Variants in ITCH observed in about 807,000 individuals in gnomAD.
ITCH encodes E3 ubiquitin-protein ligase Itchy homolog.
Under a neutral mutation model 126.8 loss-of-function variants are expected in ITCH, and 28 were observed. The observed-to-expected ratio is 0.22, with a 90% confidence interval of 0.16 to 0.30. The LOEUF is 0.30. Ranked by LOEUF, ITCH falls within the 10% of genes least tolerant of loss-of-function variation. The pLI, the probability that ITCH is intolerant of heterozygous loss-of-function variation, is 1.00. For missense variants in ITCH, 631 were observed against 1,032.4 expected (o/e 0.61, Z 5.33); for synonymous variants, 342 against 340.0 (o/e 1.01, Z -0.06).
chr20:34,510,501 T>G lies in ITCH; in HGVS notation c.*2707T>G, dbSNP rs1978676424. Reference sequence around the variant, plus strand: ...ATGTTACATTGAAATAAAAACAAAGTAAAATGAGCAATTGCCTTATTGTTC... The same window carrying G: ...ATGTTACATTGAAATAAAAACAAAGGAAAATGAGCAATTGCCTTATTGTTC... On this transcript the variant is annotated 3_prime_UTR_variant, in exon 25 of 25. Coordinates refer to ENST00000374864, the MANE Select transcript of ITCH (RefSeq NM_031483.7). 8.5e-6 allele frequency: 1 copy of G among 118,118 alleles called. No homozygotes were observed. The highest frequency in any genetic ancestry group is 1.7e-5 in the Non-Finnish European group (1 of 59,856). 7.3% of individuals were successfully genotyped at this position (118,118 alleles called of 1,614,324 possible).
chr20:34,456,178 GTGTGTGTATA>G (rs1256987849), intron 12 of ITCH, among the ~76,000 whole-genome samples: 2 of 34,514 alleles, frequency 5.8e-5, no homozygotes, highest in Non-Finnish European at 9.1e-5. Flanking sequence ...GTGTGTGTGT[GTGTGTGTATA>G]TATATATATA....
chr20:34,467,522 CAAAAAAAAA>C (rs952002079), intron 14 of ITCH, among the ~76,000 whole-genome samples: 8 of 68,310 alleles, frequency 1.2e-4, no homozygotes, highest in East Asian at 8.1e-4. Flanking sequence ...GACCCTGTCT[CAAAAAAAAA>C]AAAAAAGAAA....
chr20:34,431,065 T>C (rs1477961703), intron 7 of ITCH, among the ~76,000 whole-genome samples: 1 of 151,968 alleles, frequency 6.6e-6, no homozygotes, highest in African/African-American at 2.4e-5. Flanking sequence ...GTATCGTTCA[T>C]AGAACCAAAA....
intron 12 of ITCH, among the ~76,000 whole-genome samples, chr20:34,451,640 A>G (rs1279041541): frequency 6.6e-6 from 1 of 152,184 alleles, no homozygotes; most frequent in Non-Finnish European, 1.5e-5. Flanking sequence ...GTCAGATTGC[A>G]TTCCCAGACA....
intron 24 of ITCH, among the ~76,000 whole-genome samples, chr20:34,506,443 G>A (rs1454405373): frequency 6.6e-6 from 1 of 152,176 alleles, no homozygotes; most frequent in Non-Finnish European, 1.5e-5. Context: ...GTTAGGAACT[G>A]GGCTGCACAG....
intron 6 of ITCH, among the ~76,000 whole-genome samples, chr20:34,415,080 A>C (rs939747268): frequency 7.9e-5 from 12 of 152,210 alleles, no homozygotes; most frequent in African/African-American, 2.9e-4. Flanking sequence ...TTCACTTGAA[A>C]CATAGATTTT....
chr20:34,412,421 G>T, intron 4 of ITCH, 94 bp from the exon 5 acceptor site: 1 of 948,150 alleles, frequency 1.1e-6, no homozygotes, highest in Non-Finnish European at 1.6e-6. Context: ...GCAGTGAGAA[G>T]ACTTTAGACT....
intron 9 of ITCH, 58 bp downstream of exon 9, chr20:34,440,402 A>C: frequency 8.1e-7 from 1 of 1,234,536 alleles, no homozygotes; most frequent in African/African-American, 1.5e-5. Context: ...AAGCCTACTT[A>C]TTAATAAGGA....
intron 14 of ITCH, among the ~76,000 whole-genome samples, chr20:34,469,480 G>C (rs1987413664): frequency 6.6e-6 from 1 of 152,012 alleles, no homozygotes; most frequent in African/African-American, 2.4e-5. Flanking sequence ...AGTAGAGACA[G>C]AGTTTCAACA....
intron 14 of ITCH, among the ~76,000 whole-genome samples, chr20:34,468,458 C>T (rs1252154828): frequency 1.3e-5 from 2 of 151,994 alleles, no homozygotes; most frequent in Non-Finnish European, 1.5e-5. Context: ...CTTCATTCAA[C>T]ATTGTGTCAG....
intron 16 of ITCH, among the ~76,000 whole-genome samples, chr20:34,473,292 C>G (rs1378272838): frequency 2.6e-5 from 4 of 151,830 alleles, no homozygotes. Context: ...TCATATTAGA[C>G]ATTTGTTAAA....
At chr20:34,369,067 C>T (rs552718420) in intron 1 of ITCH, among the ~76,000 whole-genome samples, 34 of 152,262 alleles carry the variant, frequency 2.2e-4, no homozygotes, top group Admixed American at 8.5e-4. Context: ...TGGTGGCTCA[C>T]GCCTGTAATC....
At chr20:34,445,091 A>G (rs1984272284) in intron 10 of ITCH, among the ~76,000 whole-genome samples, 196 bp from the exon 11 acceptor site, 2 of 152,224 alleles carry the variant, frequency 1.3e-5, no homozygotes, top group South Asian at 4.1e-4. Context: ...CATTTTAAGA[A>G]CCTGACTAAT....
At chr20:34,464,277 C>T (rs1213387211) in intron 14 of ITCH, among the ~76,000 whole-genome samples, 3 of 151,346 alleles carry the variant, frequency 2.0e-5, no homozygotes, top group Middle Eastern at 3.4e-3. Flanking sequence ...CGTGAGCCAC[C>T]GTGCCCGGCC....
intron 14 of ITCH, among the ~76,000 whole-genome samples, chr20:34,467,341 C>G (rs999147654): frequency 1.3e-5 from 2 of 151,968 alleles, no homozygotes; most frequent in African/African-American, 4.8e-5. Context: ...CCAGCCTAGG[C>G]AACATGGTGA....
chr20:34,438,567 T>C lies in ITCH; in HGVS notation c.615T>C (p.Gly205=). The C allele has an allele frequency of 6.2e-7, 1 of 1,614,052 alleles. No individual in the cohort carries two copies. The highest frequency in any genetic ancestry group is 8.5e-7 in the Non-Finnish European group (1 of 1,179,996). Residue 205 remains glycine (G), a synonymous_variant, in exon 8 of 25, where the codon GGT becomes GGC. Transcript: ENST00000374864. ...SGNNSPSLSN[G]GFKPSRPPRP... is the part of the protein sequence containing the mutation. ...ATAATTCTCCATCACTCTCAAATGG[T>C]GGTTTTAAACCTTCTAGACCTCCAA... is the stretch of plus-strand genomic sequence containing the variant.
chr20:34,390,678 GACCTCAGGTGATCC>G (rs1455485460), intron 2 of ITCH, among the ~76,000 whole-genome samples: 1 of 151,890 alleles, frequency 6.6e-6, no homozygotes, highest in African/African-American at 2.4e-5. Context: ...TCGAACTCCT[GACCTCAGGTGATCC>G]ACCTACCTTA....
chr20:34,504,202 A>G, intron 23 of ITCH, 129 bp from the exon 24 acceptor site: 2 of 737,854 alleles, frequency 2.7e-6, no homozygotes, highest in Non-Finnish European at 4.9e-6. Flanking sequence ...AATTAGTAAG[A>G]TGATGTGTGG....
chr20:34,489,993 T>G (rs981074502), intron 22 of ITCH, 67 bp downstream of exon 22: 4 of 1,121,056 alleles, frequency 3.6e-6, no homozygotes, highest in Non-Finnish European at 5.4e-6. Flanking sequence ...TTACCACATA[T>G]GGAAATGAGT....
Sources: gnomAD v4.1 joint callset for allele counts (sites outside exome capture counted in the v4.1 genomes callset) on GRCh38, gnomAD v4.1.1 for gene constraint, MANE v1.5 for transcripts, NCBI Gene and HGNC (gene_info 2026-07-23, HGNC 2026-07-21) for gene names.